TNS3: variants seen among roughly 807,000 people sequenced by gnomAD.
TNS3 encodes the protein tensin 3, also known as tensin-3.
A neutral mutation model predicts 140.9 loss-of-function variants in TNS3; 45 were observed. That is an observed-to-expected ratio of 0.32 (90% CI 0.25 to 0.41). The LOEUF (loss-of-function observed/expected upper bound fraction) is 0.41. Among genes scored for constraint, TNS3 ranks in the 10% least tolerant of loss-of-function variants. TNS3 has a pLI of 1.00. For missense variants in TNS3, 1,716 were observed against 1,906.7 expected (o/e 0.90, Z 1.86); for synonymous variants, 815 against 788.4 (o/e 1.03, Z -0.56).
chr7:47,395,629 G>C (rs2151316776), intron 16 of TNS3, among the ~76,000 whole-genome samples: 2 of 152,284 alleles, frequency 1.3e-5, no homozygotes, highest in Middle Eastern at 6.8e-3. Flanking sequence ...CTTTTAACGT[G>C]CTGGTTATCT....
chr7:47,413,833 A>AACCCTCC (rs1793922203), intron 12 of TNS3, 104 bp downstream of exon 12: 1 of 1,416,164 alleles, frequency 7.1e-7, no homozygotes, highest in African/African-American at 1.4e-5. Context: ...CTCTGACCTG[A>AACCCTCC]ACCCTCCCAC....
At chr7:47,340,113 ATATTT>A (rs1788900357) in intron 20 of TNS3, among the ~76,000 whole-genome samples, 1 of 42,048 alleles carries the variant, frequency 2.4e-5, no homozygotes, top group African/African-American at 8.8e-5. Context: ...ATATATATAT[ATATTT>A]TTTTTTTTTT....
In TNS3 at chr7:47,314,624, C is replaced by T. The variant is rs75952150; in HGVS notation, c.2651-9621G>A. 7.5e-3 allele frequency among the ~76,000 whole-genome samples: 1,136 copies of T among 152,270 alleles called. 10 individuals carry two copies. The highest frequency in any genetic ancestry group is 0.031 in the Middle Eastern group (9 of 294). ...GCTCAACTTGTACATTTGATGTTCACGGTTAAACTACCATGAACATTTTTA... is the reference window on the plus strand; with the variant it reads ...GCTCAACTTGTACATTTGATGTTCATGGTTAAACTACCATGAACATTTTTA... On this transcript the variant is annotated intron_variant, in intron 20 of 30. Transcript: ENST00000311160.
At chr7:47,536,105 G>A (rs907265457) in intron 1 of TNS3, among the ~76,000 whole-genome samples, 1 of 152,208 alleles carries the variant, frequency 6.6e-6, no homozygotes, top group African/African-American at 2.4e-5. Context: ...TGGGGCAAGA[G>A]GGACACCCTC....
chr7:47,353,076 C>T (rs2151040020), intron 17 of TNS3, among the ~76,000 whole-genome samples: 1 of 152,330 alleles, frequency 6.6e-6, no homozygotes, highest in Admixed American at 6.5e-5. Flanking sequence ...AGGATCAATG[C>T]TCACCTCTCC....
intron 13 of TNS3, among the ~76,000 whole-genome samples, chr7:47,401,961 C>T (rs1269575410): frequency 6.6e-6 from 1 of 152,234 alleles, no homozygotes; most frequent in Non-Finnish European, 1.5e-5. Context: ...CCAGAGACAG[C>T]CACGTTCCCA....
chr7:47,399,384 C>A (rs1490548907), intron 15 of TNS3, among the ~76,000 whole-genome samples: 7 of 151,456 alleles, frequency 4.6e-5, no homozygotes, highest in Non-Finnish European at 1.0e-4. Context: ...ATCCTAAAAA[C>A]AAAACAAAAC....
At chr7:47,551,987 G>T (rs989474464) in intron 1 of TNS3, among the ~76,000 whole-genome samples, 3 of 147,230 alleles carry the variant, frequency 2.0e-5, no homozygotes, top group Non-Finnish European at 4.4e-5. Context: ...GTGTTGGAGT[G>T]CTTTTACAAG....
intron 4 of TNS3, among the ~76,000 whole-genome samples, chr7:47,478,222 G>T (rs1400150583): frequency 6.6e-6 from 1 of 152,100 alleles, no homozygotes; most frequent in Admixed American, 6.5e-5. Context: ...TTAAAGCACC[G>T]ATCGCAGGGC....
At position 47,369,527 on chromosome 7, in the gene TNS3, T is replaced by G. The variant is rs1434586605; in HGVS notation, c.1119A>C (p.Ala373=). ...SDPGIPGGPQ[A]IPATNSPDHS... ...GGTCTGGGCTGTTGGTGGCCGGGAT[T>G]GCCTGGGGGCCACCTGGGATGCCAG... is the stretch of plus-strand genomic sequence containing the variant. Residue 373 remains alanine, a synonymous_variant, in exon 17 of 31, where the codon GCA becomes GCC. Transcript: ENST00000311160. 16 of 1,613,692 alleles carry G rather than the reference T, an allele frequency of 9.9e-6. No homozygotes were observed. Among genetic ancestry groups the G allele is most frequent in the Non-Finnish European group, 1.4e-5 (16 of 1,179,864 alleles).
At chr7:47,279,860 C>A in intron 30 of TNS3, 1 of 468,676 alleles carries the variant, frequency 2.1e-6, no homozygotes, top group Non-Finnish European at 3.9e-6. Context: ...GACCTCAGCA[C>A]TGCTGAGCCC....
chr7:47,449,598 TTTTTG>T (rs1795919973), intron 4 of TNS3, among the ~76,000 whole-genome samples: 1 of 152,176 alleles, frequency 6.6e-6, no homozygotes, highest in South Asian at 2.1e-4. Context: ...TTTGGTCTCC[TTTTTG>T]TTTTGTTTTT....
At chr7:47,543,329 C>T (rs182412000) in intron 1 of TNS3, among the ~76,000 whole-genome samples, 144 of 152,252 alleles carry the variant, frequency 9.5e-4, no homozygotes, top group African/African-American at 3.2e-3. Context: ...ACCTGTTCCC[C>T]AGGGCCATGC....
At chr7:47,323,387 T>A (rs1012068238) in intron 20 of TNS3, among the ~76,000 whole-genome samples, 1 of 152,126 alleles carries the variant, frequency 6.6e-6, no homozygotes, top group Admixed American at 6.5e-5. Flanking sequence ...CATTCAGGAA[T>A]GAAGGAAAAA....
intron 5 of TNS3, among the ~76,000 whole-genome samples, chr7:47,440,808 C>CTTTT (rs1479326974): frequency 6.6e-6 from 1 of 152,226 alleles, no homozygotes; most frequent in Non-Finnish European, 1.5e-5. Context: ...TAAGTCCCTC[C>CTTTT]AAAGTGCTGC....
At chr7:47,539,070 C>T (rs1385677299) in intron 1 of TNS3, 34 of 456,600 alleles carry the variant, frequency 7.4e-5, no homozygotes, top group Non-Finnish European at 1.5e-4. Context: ...TACCACCGCC[C>T]TTACCATGGT....
chr7:47,561,848 C>G (rs1460086823), intron 1 of TNS3, among the ~76,000 whole-genome samples: 1 of 152,206 alleles, frequency 6.6e-6, no homozygotes, highest in African/African-American at 2.4e-5. Flanking sequence ...TGAGATAAAC[C>G]TGCTAAGAAG....
chr7:47,358,146 CT>C (rs201814404), intron 17 of TNS3, among the ~76,000 whole-genome samples: 15,234 of 147,566 alleles, frequency 0.1, 784 homozygotes, highest in South Asian at 0.15. Flanking sequence ...AACACTTCAT[CT>C]TTTTTTTTTT....
At chr7:47,355,106 C>T (rs1584468355) in intron 17 of TNS3, among the ~76,000 whole-genome samples, 1 of 152,226 alleles carries the variant, frequency 6.6e-6, no homozygotes, top group Non-Finnish European at 1.5e-5. Flanking sequence ...CGGGTGGAGC[C>T]GGCGTCAAGG....
Sources: allele counts gnomAD v4.1 joint callset (sites outside exome capture counted in the v4.1 genomes callset), GRCh38; gene constraint gnomAD v4.1.1; transcripts MANE v1.5; gene names NCBI Gene and HGNC (gene_info 2026-07-23, HGNC 2026-07-21).